Variants in OCA2 observed in about 807,000 individuals in gnomAD.
The protein encoded by OCA2 is OCA2 melanosomal transmembrane protein, also known as P protein.
Under a neutral mutation model 100.2 loss-of-function variants are expected in OCA2, and 77 were observed. The ratio of observed to expected loss-of-function variants is 0.77; its 90% CI spans 0.64 to 0.93. The LOEUF is 0.93. OCA2 is among the 40% of genes least tolerant of loss of function. The pLI is 0.00. For missense variants in OCA2, 1,062 were observed against 1,089.1 expected (o/e 0.98, Z 0.35); for synonymous variants, 432 against 439.2 (o/e 0.98, Z 0.21).
intron 22 of OCA2, among the ~76,000 whole-genome samples, chr15:27,848,332 C>T (rs182792015): frequency 1.3e-5 from 2 of 152,348 alleles, no homozygotes; most frequent in East Asian, 1.9e-4. Flanking sequence ...GTGGGGTTCA[C>T]ATGAGATTAA....
intron 23 of OCA2, among the ~76,000 whole-genome samples, chr15:27,774,600 T>C (rs1346315181): frequency 6.6e-6 from 1 of 152,232 alleles, no homozygotes; most frequent in Non-Finnish European, 1.5e-5. Flanking sequence ...TCAGTTGTTA[T>C]GGCTGAACTG....
chr15:27,864,092 C>A (rs1274716920), intron 21 of OCA2, among the ~76,000 whole-genome samples: 1 of 152,132 alleles, frequency 6.6e-6, no homozygotes, highest in African/African-American at 2.4e-5. Flanking sequence ...TGCTCCCCAA[C>A]CACCCAGAGG....
chr15:27,910,658 TAA>T (rs112178150), intron 19 of OCA2, among the ~76,000 whole-genome samples: 19,539 of 147,758 alleles, frequency 0.13, 2,391 homozygotes, highest in East Asian at 0.62. Flanking sequence ...TTATTTATGT[TAA>T]AAAAAAAAAA....
At position 28,018,465 on chromosome 15, in the gene OCA2, C is replaced by G; in HGVS notation, c.739G>C (p.Glu247Gln). 2.5e-6 allele frequency: 4 copies of G among 1,614,062 alleles called. No individual in the cohort carries two copies. Among genetic ancestry groups the G allele is most frequent in the Non-Finnish European group, 3.4e-6 (4 of 1,180,010 alleles). ...GTCAGCTCCACCACGATGTGCTCTT[C>G]CCTCCCAGGACGACTCGGCCCACTG... ...VASGPSRPGR[E>Q]EHIVVELTQA... Residue 247 changes from glutamate to glutamine, a missense_variant, in exon 7 of 24, where the codon GAA becomes CAA. Glu to Gln is a conservative substitution (Grantham distance 29). Transcript: ENST00000354638.
In OCA2 at chr15:27,938,856, T is replaced by C. The variant is rs114779448; in HGVS notation, c.1952-12602A>G. On this transcript the variant is annotated intron_variant, in intron 18 of 23. Coordinates refer to ENST00000354638, the MANE Select transcript of OCA2 (RefSeq NM_000275.3). ...ACACTCAAGTATGGTCTCTGTGGCC[T>C]TGGGAGTGGCGGACTGGACTGAGCT... is the stretch of plus-strand genomic sequence containing the variant. Among the ~76,000 whole-genome samples the C allele has an allele frequency of 9.7e-3, 1,483 of 152,256 alleles. 31 individuals are homozygous for C. The highest frequency in any genetic ancestry group is 0.034 in the African/African-American group (1,433 of 41,556).
the OCA2 span, among the ~76,000 whole-genome samples, chr15:27,746,169 A>G: frequency 6.6e-6 from 1 of 152,160 alleles, no homozygotes; most frequent in East Asian, 1.9e-4. Flanking sequence ...TAAAATTAGA[A>G]CTTTTTGGCT....
chr15:27,971,227 T>C (rs775428802), intron 14 of OCA2, among the ~76,000 whole-genome samples: 8 of 152,082 alleles, frequency 5.3e-5, no homozygotes, highest in Non-Finnish European at 1.2e-4. Context: ...CACAGTATAG[T>C]GGGAAAAGTA....
intron 19 of OCA2, among the ~76,000 whole-genome samples, chr15:27,913,834 GAAAGGAAA>G (rs1567097507): frequency 5.4e-5 from 3 of 56,012 alleles, no homozygotes; most frequent in African/African-American, 6.7e-5. Context: ...AAGAAAGAAA[GAAAGGAAA>G]GAAAGAAAGA....
chr15:27,997,116 G>GA (rs1484228266), intron 9 of OCA2, among the ~76,000 whole-genome samples: 11 of 77,438 alleles, frequency 1.4e-4, no homozygotes, highest in African/African-American at 1.8e-4. Flanking sequence ...GAAAAGAAAG[G>GA]AAGGAAGGAA....
intron 9 of OCA2, among the ~76,000 whole-genome samples, chr15:27,992,104 GC>G (rs2041574474): frequency 9.9e-6 from 1 of 100,606 alleles, no homozygotes; most frequent in South Asian, 2.5e-4. Context: ...AGTTTAGGAC[GC>G]TTTTTTTTTT....
chr15:28,004,571 C>T (rs2141142446), intron 9 of OCA2, among the ~76,000 whole-genome samples: 1 of 152,168 alleles, frequency 6.6e-6, no homozygotes, highest in Middle Eastern at 3.4e-3. Flanking sequence ...CTAACACAGT[C>T]TCACACTCAC....
chr15:27,719,615 A>G, the OCA2 span, among the ~76,000 whole-genome samples: 3 of 152,266 alleles, frequency 2.0e-5, no homozygotes, highest in South Asian at 6.2e-4. Flanking sequence ...GACATGCACT[A>G]TATCTGTTTC....
intron 2 of OCA2, among the ~76,000 whole-genome samples, chr15:28,075,028 T>TTATATGCCTAAATGTAAAACC (rs1220688412): frequency 2.0e-5 from 3 of 152,104 alleles, no homozygotes; most frequent in Non-Finnish European, 4.4e-5. Context: ...TCAAAATGGA[T>TTATATGCCTAAATGTAAAACC]TATATGCCTA....
At chr15:28,077,461 A>C (rs1318281247) in intron 2 of OCA2, among the ~76,000 whole-genome samples, 1 of 152,202 alleles carries the variant, frequency 6.6e-6, no homozygotes, top group Non-Finnish European at 1.5e-5. Context: ...TTGTATGGAC[A>C]AGACGTATTC....
chr15:27,885,905 ATATATAT>A (rs1417190656), intron 19 of OCA2, among the ~76,000 whole-genome samples: 1 of 152,184 alleles, frequency 6.6e-6, no homozygotes, highest in Non-Finnish European at 1.5e-5. Flanking sequence ...TTTGCCACAG[ATATATAT>A]TAGAGCATTA....
intron 15 of OCA2, among the ~76,000 whole-genome samples, chr15:27,965,222 C>T (rs1011963538): frequency 6.6e-6 from 1 of 152,200 alleles, no homozygotes; most frequent in African/African-American, 2.4e-5. Context: ...CCACCACGAT[C>T]ACAGTCTCCT....
intron 18 of OCA2, among the ~76,000 whole-genome samples, chr15:27,941,829 C>T (rs2039658560): frequency 6.6e-6 from 1 of 152,076 alleles, no homozygotes; most frequent in Admixed American, 6.6e-5. Flanking sequence ...CTGAAATTTC[C>T]AAACAGATGG....
chr15:28,025,679 C>T (rs754077926), intron 4 of OCA2, among the ~76,000 whole-genome samples: 1 of 152,242 alleles, frequency 6.6e-6, no homozygotes, highest in Non-Finnish European at 1.5e-5. Flanking sequence ...CCAATGGCAC[C>T]ATCACTGCCC....
chr15:27,776,381 A>G (rs1397900433), intron 23 of OCA2: 1 of 151,972 alleles, frequency 6.6e-6, no homozygotes, highest in Non-Finnish European at 1.5e-5. Context: ...TTAATACTTC[A>G]CACTTGCTGA....
Sources: gnomAD v4.1 joint callset for allele counts (sites outside exome capture counted in the v4.1 genomes callset) on GRCh38, gnomAD v4.1.1 for gene constraint, MANE v1.5 for transcripts, NCBI Gene and HGNC (gene_info 2026-07-23, HGNC 2026-07-21) for gene names.